Variants in EXOC5 observed in about 807,000 individuals in gnomAD.
EXOC5 encodes exocyst complex component 5.
Under a neutral mutation model 90.8 loss-of-function variants are expected in EXOC5, and 17 were observed. The ratio of observed to expected loss-of-function variants is 0.19; its 90% confidence interval spans 0.13 to 0.28. The LOEUF is 0.28. Ranked by LOEUF, EXOC5 falls within the 10% of genes least tolerant of loss-of-function variation. EXOC5 has a pLI of 1.00. For synonymous variants in EXOC5, 260 were observed against 270.0 expected (o/e 0.96, Z 0.36); for missense variants, 569 against 830.6 (o/e 0.69, Z 3.87).
chr14:57,231,705 G>A lies in EXOC5; in HGVS notation c.949C>T (p.Leu317Phe), dbSNP rs1166354153. ...LYDLYTRTTN[L>F]SSKLMEFNLG... Reference sequence around the variant, plus strand: ...TTAAACTCCATCAGCTTGCTGGAAAGATTGGTGGTTCTTTTCATGAAAAAG... The same window carrying A: ...TTAAACTCCATCAGCTTGCTGGAAAAATTGGTGGTTCTTTTCATGAAAAAG... Residue 317 changes from leucine to phenylalanine, a missense_variant, in exon 11 of 18, where the codon CTT becomes TTT. Coordinates refer to ENST00000621441, the MANE Select transcript of EXOC5 (RefSeq NM_006544.4). 1 of 1,600,900 alleles carries A rather than the reference G, an allele frequency of 6.2e-7. No individual in the cohort carries two copies. The highest frequency in any genetic ancestry group is 1.1e-5 in the South Asian group (1 of 88,680).
chr14:57,266,752 T>TAA (rs1566509856), intron 1 of EXOC5, among the ~76,000 whole-genome samples: 1 of 143,060 alleles, frequency 7.0e-6, no homozygotes, highest in Non-Finnish European at 1.5e-5. Flanking sequence ...TATATATATA[T>TAA]AAAACGTATA....
chr14:57,268,763 G>T lies in EXOC5; in HGVS notation c.-115C>A. On this transcript the variant is annotated 5_prime_UTR_variant, in exon 1 of 18. Transcript: ENST00000621441. ...GGCTCGCCAGCTCCGGCTCCGGGCC[G>T]CTGCGGGCTCCCCAGCTCCCCACAG... is the stretch of plus-strand genomic sequence containing the variant. 1 of 1,461,350 alleles carries T rather than the reference G, an allele frequency of 6.8e-7. No homozygotes were observed. Among genetic ancestry groups the T allele is most frequent in the Non-Finnish European group, 9.0e-7 (1 of 1,111,784 alleles). The allele number at this position is 1,461,350 out of a possible 1,614,324, so 90.5% of individuals were successfully genotyped here.
intron 1 of EXOC5, among the ~76,000 whole-genome samples, chr14:57,266,895 T>C (rs1037368874): frequency 6.6e-6 from 1 of 151,794 alleles, no homozygotes; most frequent in Non-Finnish European, 1.5e-5. Context: ...TGAAATCATG[T>C]GGTCAAACAT....
intron 12 of EXOC5, among the ~76,000 whole-genome samples, chr14:57,224,900 A>G (rs1883258400): frequency 6.6e-6 from 1 of 152,136 alleles, no homozygotes; most frequent in Non-Finnish European, 1.5e-5. Flanking sequence ...TGTCTCTACT[A>G]AAAATACAAA....
At chr14:57,219,211 G>T in intron 14 of EXOC5, 111 bp downstream of exon 14, 1 of 520,170 alleles carries the variant, frequency 1.9e-6, no homozygotes, top group Non-Finnish European at 3.1e-6. Context: ...TGTCCAGTTT[G>T]ACATTTTTTG....
intron 11 of EXOC5, 25 bp from the exon 12 acceptor site, chr14:57,229,906 A>C: frequency 7.5e-7 from 1 of 1,325,642 alleles, no homozygotes; most frequent in Non-Finnish European, 1.0e-6. Flanking sequence ...AGACAAATGA[A>C]AAAAAGAAAA....
chr14:57,204,864 T>C lies in EXOC5; in HGVS notation c.*3745A>G, dbSNP rs1427042043. ...CTGTATGCCAACTTTGTAATATAAA[T>C]ACTACAATAAGAATCATATTGGAAG... On this transcript the variant is annotated 3_prime_UTR_variant, in exon 18 of 18. Coordinates refer to ENST00000621441, the MANE Select transcript of EXOC5 (RefSeq NM_006544.4). 2 of 152,300 alleles carry C rather than the reference T, an allele frequency of 1.3e-5. No homozygotes were observed. Among genetic ancestry groups the C allele is most frequent in the Admixed American group, 6.6e-5 (1 of 15,226 alleles). 9.4% of individuals were successfully genotyped at this position (152,300 alleles called of 1,614,324 possible).
intron 1 of EXOC5, among the ~76,000 whole-genome samples, chr14:57,247,927 T>C (rs1279644501): frequency 6.6e-6 from 1 of 151,924 alleles, no homozygotes; most frequent in African/African-American, 2.4e-5. Flanking sequence ...ATTAAAATAC[T>C]AGAACAGTAT....
rs1330057735 is a variant in EXOC5, at chr14:57,205,144, GCA to G, written c.*3463_*3464del. 1.3e-5 allele frequency: 2 copies of G among 151,958 alleles called. No individual in the cohort carries two copies. Among genetic ancestry groups the G allele is most frequent in the African/African-American group, 4.8e-5 (2 of 41,418 alleles). The allele number at this position is 151,958 out of a possible 1,614,324, so 9.4% of individuals were successfully genotyped here. ...AATAATATGTGCAAAGGACTTATTA[GCA>G]CAGTGTGTGAGACTTAAATCAATAC... is the stretch of plus-strand genomic sequence containing the variant. On this transcript the variant is annotated 3_prime_UTR_variant, in exon 18 of 18. Coordinates refer to ENST00000621441, the MANE Select transcript of EXOC5 (RefSeq NM_006544.4).
chr14:57,233,389 C>G (rs1052275603), intron 9 of EXOC5, among the ~76,000 whole-genome samples: 4 of 152,016 alleles, frequency 2.6e-5, no homozygotes, highest in African/African-American at 9.7e-5. Flanking sequence ...AAAAATTCTA[C>G]AGACTGCTCT....
In EXOC5 at chr14:57,206,568, A is replaced by G. The variant is rs893786966; in HGVS notation, c.*2041T>C. 2.6e-5 allele frequency: 4 copies of G among 152,356 alleles called. No individual in the cohort carries two copies. The highest frequency in any genetic ancestry group is 5.9e-5 in the Non-Finnish European group (4 of 67,890). The allele number at this position is 152,356 out of a possible 1,614,324, so 9.4% of individuals were successfully genotyped here. ...CAGGATGGATGGCTCTAAAATATAAAAAGAGTGAAATAAAAAAAACAACTG... is the reference window on the plus strand; with the variant it reads ...CAGGATGGATGGCTCTAAAATATAAGAAGAGTGAAATAAAAAAAACAACTG... On this transcript the variant is annotated 3_prime_UTR_variant, in exon 18 of 18. Transcript: ENST00000621441.
chr14:57,227,683 C>T (rs1883349228), intron 12 of EXOC5, among the ~76,000 whole-genome samples: 3 of 152,110 alleles, frequency 2.0e-5, no homozygotes, highest in Admixed American at 2.0e-4. Flanking sequence ...ATTAGTGAGA[C>T]TGAGTATTGT....
At position 57,209,630 on chromosome 14, in the gene EXOC5, A is replaced by G; in HGVS notation, c.1875T>C (p.Cys625=). Residue 625 remains cysteine (C), a synonymous_variant, in exon 17 of 18, where the codon TGT becomes TGC. Coordinates refer to ENST00000621441, the MANE Select transcript of EXOC5 (RefSeq NM_006544.4). ...YEHLQQYSYS[C]MGGMLAICDV... ...CACAAATGGCCAACATGCCACCCATACAACTGTAGGAATATTGTTGAAGAT... is the reference window on the plus strand; with the variant it reads ...CACAAATGGCCAACATGCCACCCATGCAACTGTAGGAATATTGTTGAAGAT... 6.2e-7 allele frequency: 1 copy of G among 1,613,480 alleles called. No homozygotes were observed. Among genetic ancestry groups the G allele is most frequent in the Non-Finnish European group, 8.5e-7 (1 of 1,179,604 alleles).
intron 6 of EXOC5, among the ~76,000 whole-genome samples, chr14:57,236,850 G>T (rs2139642775): frequency 6.6e-6 from 1 of 151,564 alleles, no homozygotes; most frequent in South Asian, 2.1e-4. Context: ...TCCAAGACTG[G>T]CAAGAACCAA....
At position 57,205,732 on chromosome 14, in the gene EXOC5, T is replaced by C; in HGVS notation, c.*2877A>G. The C allele has an allele frequency of 2.6e-6, 1 of 383,132 alleles. No individual in the cohort carries two copies. 23.7% of individuals were successfully genotyped at this position (383,132 alleles called of 1,614,324 possible). A position where few individuals can be genotyped will look rare whatever the true frequency, so the allele number is the denominator to read the frequency against. On this transcript the variant is annotated 3_prime_UTR_variant, in exon 18 of 18. Transcript: ENST00000621441. ...GCTAGTATTTAGAAAGCAAAATATTTAGAAGTGAAAGAGGGGGGAAAAAAG... is the reference window on the plus strand; with the variant it reads ...GCTAGTATTTAGAAAGCAAAATATTCAGAAGTGAAAGAGGGGGGAAAAAAG...
In EXOC5 at chr14:57,268,698, C is replaced by T. The variant is rs1209960559; in HGVS notation, c.-50G>A. The T allele has an allele frequency of 1.9e-6, 3 of 1,559,560 alleles. No homozygotes were observed. Among genetic ancestry groups the T allele is most frequent in the Admixed American group, 1.8e-5 (1 of 54,768 alleles). The stretch of plus-strand genomic sequence containing the variant: ...CCCACTGGATGCCGTCTCCGCTTCA[C>T]ATGCTGCGCCTCAGAGGCGCGGCGC... On this transcript the variant is annotated 5_prime_UTR_variant, in exon 1 of 18. In the 5' UTR this introduces an upstream ATG that the reference lacks. Transcript: ENST00000621441.
At chr14:57,233,916 TATA>T in intron 8 of EXOC5, 33 bp from the exon 9 acceptor site, 1 of 1,601,344 alleles carries the variant, frequency 6.2e-7, no homozygotes. Context: ...ACAGTGAACA[TATA>T]ATTTCTACAT....
intron 17 of EXOC5, among the ~76,000 whole-genome samples, chr14:57,209,061 TATTAAC>T (rs1882747144): frequency 6.6e-6 from 1 of 152,192 alleles, no homozygotes; most frequent in Admixed American, 6.6e-5. Flanking sequence ...TAAAACTAGT[TATTAAC>T]ATACAGCATT....
At position 57,231,712 on chromosome 14, in the gene EXOC5, G is replaced by T. The variant is rs1883490710; in HGVS notation, c.942C>A (p.Thr314=). The T allele has an allele frequency of 1.4e-5, 22 of 1,591,964 alleles. No homozygotes were observed. The highest frequency in any genetic ancestry group is 1.8e-5 in the Non-Finnish European group (21 of 1,169,594). Reference sequence around the variant, plus strand: ...CCATCAGCTTGCTGGAAAGATTGGTGGTTCTTTTCATGAAAAAGGGGGAGA... The same window carrying T: ...CCATCAGCTTGCTGGAAAGATTGGTTGTTCTTTTCATGAAAAAGGGGGAGA... ...LKNLYDLYTR[T]TNLSSKLMEF... Residue 314 remains threonine (T), a synonymous_variant, in exon 11 of 18, where the codon ACC becomes ACA. Transcript: ENST00000621441.
Sources: allele counts gnomAD v4.1 joint callset (sites outside exome capture counted in the v4.1 genomes callset), GRCh38; gene constraint gnomAD v4.1.1; transcripts MANE v1.5; gene names NCBI Gene and HGNC (gene_info 2026-07-23, HGNC 2026-07-21).